The following FMN1 variants were observed in gnomAD, a reference collection of about 807,000 sequenced individuals.
FMN1 encodes the protein formin-1.
In FMN1, 110 loss-of-function variants were observed where a neutral mutation model predicts 132.4. That is an observed-to-expected ratio of 0.83 (90% CI 0.71 to 0.97). The LOEUF (loss-of-function observed/expected upper bound fraction) is 0.97, where lower values mean the gene tolerates loss of function less well. FMN1 is among the 50% of genes least tolerant of loss of function. The pLI, the probability that FMN1 is intolerant of heterozygous loss-of-function variation, is 0.00. For synonymous variants in FMN1, 722 were observed against 651.7 expected (o/e 1.11, Z -1.64); for missense variants, 1,792 against 1,705.3 (o/e 1.05, Z -0.90).
intron 16 of FMN1, among the ~76,000 whole-genome samples, chr15:32,868,653 T>C (rs1489603819): frequency 6.6e-6 from 1 of 152,148 alleles, no homozygotes; most frequent in Middle Eastern, 3.2e-3. Context: ...TACATGTAGA[T>C]GGAGGCAGGG....
intron 4 of FMN1, among the ~76,000 whole-genome samples, chr15:33,113,547 C>A (rs78093336): frequency 0.058 from 8,750 of 152,114 alleles, 274 homozygotes; most frequent in Middle Eastern, 0.11. Context: ...CGACCCTGCT[C>A]CCCCATCTTT....
chr15:32,900,928 T>A (rs2060279409), intron 13 of FMN1, among the ~76,000 whole-genome samples: 1 of 151,906 alleles, frequency 6.6e-6, no homozygotes. Flanking sequence ...CCGAGGCAGG[T>A]GGATTGCCTG....
At chr15:32,966,437 G>A (rs1330347762) in intron 8 of FMN1, among the ~76,000 whole-genome samples, 1 of 152,112 alleles carries the variant, frequency 6.6e-6, no homozygotes, top group Non-Finnish European at 1.5e-5. Context: ...TGCCATGGTG[G>A]TCAACTGACC....
At chr15:33,137,648 T>G (rs1963829915) in intron 4 of FMN1, among the ~76,000 whole-genome samples, 1 of 152,206 alleles carries the variant, frequency 6.6e-6, no homozygotes, top group Non-Finnish European at 1.5e-5. Flanking sequence ...CCGGACAATG[T>G]ATTTCCTTTC....
intron 10 of FMN1, among the ~76,000 whole-genome samples, chr15:32,913,889 A>T (rs76272677): frequency 0.021 from 3,141 of 152,236 alleles, 109 homozygotes; most frequent in African/African-American, 0.072. Flanking sequence ...TGATGGGAGG[A>T]AAAGCTTCTT....
chr15:33,117,878 G>A (rs910325485), intron 4 of FMN1, among the ~76,000 whole-genome samples: 1 of 152,146 alleles, frequency 6.6e-6, no homozygotes, highest in African/African-American at 2.4e-5. Context: ...GATTGACCTC[G>A]CATTCAAATG....
At chr15:32,942,458 G>A (rs1036904838) in intron 9 of FMN1, among the ~76,000 whole-genome samples, 2 of 152,198 alleles carry the variant, frequency 1.3e-5, no homozygotes, top group African/African-American at 4.8e-5. Context: ...CCTGAGCTTG[G>A]CAGACAGGGC....
chr15:33,174,679 A>G (rs1287792217), intron 3 of FMN1, among the ~76,000 whole-genome samples: 3 of 152,194 alleles, frequency 2.0e-5, no homozygotes, highest in Non-Finnish European at 2.9e-5. Context: ...TCTAGCCCCA[A>G]TACTAGCCAT....
At chr15:33,151,433 C>A (rs1964434707) in intron 4 of FMN1, 1 of 1,520,638 alleles carries the variant, frequency 6.6e-7, no homozygotes, top group Non-Finnish European at 8.8e-7. Flanking sequence ...GCCAAAGGAA[C>A]ATGTGATCAT....
rs574655216 is a variant in FMN1 at position 33,009,203 on chromosome 15, G to C, written c.2162-1128C>G. ...TCGAATGGTCTGGTAGTGACCACTT[G>C]TCATTATCCCCACCAGCACCACGAT... On this transcript the variant is annotated intron_variant, in intron 6 of 20. Coordinates refer to ENST00000616417, the MANE Select transcript of FMN1 (RefSeq NM_001277313.2). Among the ~76,000 whole-genome samples the C allele has an allele frequency of 2.6e-5, 4 of 152,208 alleles. No homozygotes were observed. In the South Asian group the frequency reaches 8.3e-4, roughly 32 times the overall value.
intron 4 of FMN1, among the ~76,000 whole-genome samples, chr15:33,113,716 A>C (rs1217672079): frequency 6.6e-6 from 1 of 152,062 alleles, no homozygotes; most frequent in African/African-American, 2.4e-5. Flanking sequence ...CACGTTGAAC[A>C]CTGTGCATTG....
At chr15:32,848,253 G>C (rs192086877) in intron 17 of FMN1, among the ~76,000 whole-genome samples, 1 of 152,324 alleles carries the variant, frequency 6.6e-6, no homozygotes, top group East Asian at 1.9e-4. Context: ...CTGAAGTGAT[G>C]ATGGAAGCAT....
intron 15 of FMN1, among the ~76,000 whole-genome samples, chr15:32,891,888 A>C (rs888929076): frequency 4.6e-5 from 7 of 152,056 alleles, no homozygotes; most frequent in African/African-American, 1.7e-4. Context: ...AGAGCTACTA[A>C]TTTGTGTACA....
intron 19 of FMN1, among the ~76,000 whole-genome samples, chr15:32,785,288 C>T (rs1328178080): frequency 7.2e-6 from 1 of 139,658 alleles, no homozygotes; most frequent in African/African-American, 2.7e-5. Context: ...AACTCCTGAA[C>T]TCAAGCAATC....
chr15:33,022,901 T>G (rs2035480960), intron 6 of FMN1, among the ~76,000 whole-genome samples: 1 of 151,594 alleles, frequency 6.6e-6, no homozygotes, highest in Non-Finnish European at 1.5e-5. Context: ...GGGTCTTGGC[T>G]GGGGCACAGT....
chr15:33,013,746 A>T (rs1160639103), intron 6 of FMN1, among the ~76,000 whole-genome samples: 2 of 152,258 alleles, frequency 1.3e-5, no homozygotes, highest in Admixed American at 1.3e-4. Flanking sequence ...GTCCTAACCC[A>T]TGTCATGATA....
chr15:32,938,159 G>C (rs1029639880), intron 9 of FMN1, among the ~76,000 whole-genome samples: 3 of 151,754 alleles, frequency 2.0e-5, no homozygotes. Flanking sequence ...CAACTTCCTT[G>C]TCAGTGCAGG....
At chr15:33,078,755 A>G (rs1214505577) in intron 5 of FMN1, among the ~76,000 whole-genome samples, 1 of 152,188 alleles carries the variant, frequency 6.6e-6, no homozygotes, top group Admixed American at 6.5e-5. Flanking sequence ...TAAATAGCTC[A>G]TATGGGTTGT....
chr15:32,869,585 GTA>G (rs1300029904), intron 16 of FMN1, among the ~76,000 whole-genome samples: 2 of 152,186 alleles, frequency 1.3e-5, no homozygotes, highest in African/African-American at 4.8e-5. Context: ...GAAGTCATTG[GTA>G]TAAAATTGGT....
Sources: allele counts gnomAD v4.1 joint callset (sites outside exome capture counted in the v4.1 genomes callset), GRCh38; gene constraint gnomAD v4.1.1; transcripts MANE v1.5; gene names NCBI Gene and HGNC (gene_info 2026-07-23, HGNC 2026-07-21).